Variants in CECR2 observed in about 807,000 individuals in gnomAD.
CECR2 encodes chromatin remodeling regulator CECR2.
Under a neutral mutation model 154.5 loss-of-function variants are expected in CECR2, and 30 were observed. The observed-to-expected ratio is 0.19, with a 90% CI of 0.15 to 0.26. The LOEUF (loss-of-function observed/expected upper bound fraction) is 0.26, where lower values mean the gene tolerates loss of function less well. CECR2 is among the 10% of genes least tolerant of loss of function. The pLI is 1.00. For synonymous variants in CECR2, 725 were observed against 683.7 expected (o/e 1.06, Z -0.94); for missense variants, 1,743 against 1,829.3 (o/e 0.95, Z 0.86).
upstream of CECR2, among the ~76,000 whole-genome samples, chr22:17,364,802 C>T (rs1393402336): frequency 2.0e-5 from 3 of 149,588 alleles, no homozygotes; most frequent in East Asian, 2.0e-4. Flanking sequence ...ACTCCAGCCT[C>T]GGCAACAGAG....
At chr22:17,511,345 C>T (rs1036809302) in intron 7 of CECR2, among the ~76,000 whole-genome samples, 7 of 152,158 alleles carry the variant, frequency 4.6e-5, no homozygotes, top group Non-Finnish European at 8.8e-5. Flanking sequence ...TTTCCCACCC[C>T]TGCTCTCTCC....
At chr22:17,402,754 C>CTTTTTTTT (rs386394918) in intron 1 of CECR2, among the ~76,000 whole-genome samples, 4 of 123,078 alleles carry the variant, frequency 3.2e-5, no homozygotes, top group South Asian at 2.5e-4. Flanking sequence ...TTCTTTTCTT[C>CTTTTTTTT]TTTTTTTTTT....
intron 1 of CECR2, among the ~76,000 whole-genome samples, chr22:17,427,399 A>G (rs1235926148): frequency 1.3e-5 from 2 of 152,088 alleles, no homozygotes; most frequent in African/African-American, 4.8e-5. Context: ...CACTGAGTCA[A>G]ATGGTATTGT....
chr22:17,452,605 G>A (rs1211569097), intron 1 of CECR2, among the ~76,000 whole-genome samples: 1 of 152,166 alleles, frequency 6.6e-6, no homozygotes, highest in African/African-American at 2.4e-5. Context: ...AAGAATGGAG[G>A]TGCAGGTACC....
intron 1 of CECR2, among the ~76,000 whole-genome samples, chr22:17,379,391 A>T (rs183502224): frequency 2.0e-5 from 3 of 152,342 alleles, no homozygotes. Flanking sequence ...TCCCTGAAGC[A>T]GGGCCTGGCT....
At chr22:17,429,298 A>G (rs1442510731) in intron 1 of CECR2, among the ~76,000 whole-genome samples, 1 of 152,156 alleles carries the variant, frequency 6.6e-6, no homozygotes, top group East Asian at 1.9e-4. Context: ...TAGTATTACA[A>G]GGACTAGAGA....
At chr22:17,456,310 C>T (rs904806966) in intron 1 of CECR2, among the ~76,000 whole-genome samples, 3 of 151,886 alleles carry the variant, frequency 2.0e-5, no homozygotes, top group South Asian at 2.1e-4. Context: ...TATAATATGC[C>T]GTATTTTCTG....
intron 1 of CECR2, among the ~76,000 whole-genome samples, chr22:17,454,529 T>C (rs4607028): frequency 0.077 from 11,347 of 147,094 alleles, 1,200 homozygotes; most frequent in African/African-American, 0.25. Flanking sequence ...GGCATGAACC[T>C]GGGAGGCGGA....
chr22:17,444,641 A>G (rs917049421), intron 1 of CECR2, among the ~76,000 whole-genome samples: 1 of 152,052 alleles, frequency 6.6e-6, no homozygotes, highest in Non-Finnish European at 1.5e-5. Flanking sequence ...TTGAACTACC[A>G]CCATCAAGAT....
chr22:17,504,208 C>T (rs1051587148), intron 6 of CECR2, among the ~76,000 whole-genome samples: 43 of 151,510 alleles, frequency 2.8e-4, no homozygotes, highest in African/African-American at 9.7e-4. Context: ...CCTGTCTCTA[C>T]GAAAAATACA....
rs1478582875 is a variant in CECR2, at chr22:17,417,036, A to G, written c.126+47127A>G. On this transcript the variant is annotated intron_variant, in intron 1 of 18. Transcript: ENST00000262608. The stretch of plus-strand genomic sequence containing the variant: ...GTCAGATTCTTTTTTTTTTTTTTTT[A>G]CGACAAAGGGACTTTAAAAAAAATC... Among the ~76,000 whole-genome samples the G allele has an allele frequency of 2.4e-5, 3 of 125,842 alleles. No individual in the cohort carries two copies. In the Admixed American group the frequency reaches 2.5e-4, roughly 10 times the overall value. The allele number at this position is 125,842 out of a possible 152,430, so 82.6% of individuals were successfully genotyped here. A position where few individuals can be genotyped will look rare whatever the true frequency, so the allele number is the denominator to read the frequency against.
intron 1 of CECR2, among the ~76,000 whole-genome samples, chr22:17,437,846 C>T (rs977293847): frequency 1.2e-4 from 18 of 152,086 alleles, no homozygotes; most frequent in Admixed American, 2.0e-4. Context: ...AAATTTCCTT[C>T]GACTTCAAGG....
At chr22:17,384,886 G>T (rs1156701315) in intron 1 of CECR2, among the ~76,000 whole-genome samples, 2 of 152,174 alleles carry the variant, frequency 1.3e-5, no homozygotes, top group Non-Finnish European at 2.9e-5. Context: ...AAAATCTGTT[G>T]TGTATTCATC....
At chr22:17,413,468 T>C (rs548879328) in intron 1 of CECR2, among the ~76,000 whole-genome samples, 4 of 152,300 alleles carry the variant, frequency 2.6e-5, no homozygotes, top group African/African-American at 9.6e-5. Context: ...GCCTGGCTTG[T>C]GGACTCCATT....
intron 13 of CECR2, among the ~76,000 whole-genome samples, chr22:17,539,654 TTAAAG>T (rs2056490905): frequency 1.3e-5 from 2 of 151,862 alleles, no homozygotes; most frequent in Admixed American, 6.6e-5. Flanking sequence ...ACCCTAGAAC[TTAAAG>T]TATAATAAAA....
At chr22:17,505,726 C>T (rs1256690227) in intron 7 of CECR2, among the ~76,000 whole-genome samples, 2 of 150,386 alleles carry the variant, frequency 1.3e-5, no homozygotes, top group African/African-American at 2.4e-5. Flanking sequence ...TTAGTAGAGA[C>T]AGGGTTTCAC....
At chr22:17,375,754 G>A (rs1206148785) in intron 1 of CECR2, among the ~76,000 whole-genome samples, 1 of 151,874 alleles carries the variant, frequency 6.6e-6, no homozygotes, top group African/African-American at 2.4e-5. Context: ...CAGGAGTTCA[G>A]GACCAGCCTG....
At chr22:17,552,168 G>A (rs1569161743) in intron 18 of CECR2, 26 bp downstream of exon 18, 1 of 1,591,256 alleles carries the variant, frequency 6.3e-7, no homozygotes, top group Admixed American at 1.7e-5. Context: ...AATTAGAGCT[G>A]TTCTTCTTCC....
intron 1 of CECR2, among the ~76,000 whole-genome samples, chr22:17,476,320 G>A (rs1379731474): frequency 6.6e-6 from 1 of 151,694 alleles, no homozygotes; most frequent in Non-Finnish European, 1.5e-5. Context: ...GCTGGAGTAC[G>A]CTGGCACGAT....
Sources: gnomAD v4.1 joint callset for allele counts (sites outside exome capture counted in the v4.1 genomes callset) on GRCh38, gnomAD v4.1.1 for gene constraint, MANE v1.5 for transcripts, NCBI Gene and HGNC (gene_info 2026-07-23, HGNC 2026-07-21) for gene names.